Variants in MOV10L1 observed in about 807,000 individuals in gnomAD.
MOV10L1 encodes RNA helicase Mov10l1.
Under a neutral mutation model 143.8 loss-of-function variants are expected in MOV10L1, and 110 were observed. That is an observed-to-expected ratio of 0.76 (90% confidence interval 0.66 to 0.90). MOV10L1 has a LOEUF of 0.90. MOV10L1 is among the 40% of genes least tolerant of loss of function. MOV10L1 has a pLI of 0.00. For missense variants in MOV10L1, 1,406 were observed against 1,526.8 expected (o/e 0.92, Z 1.32); for synonymous variants, 593 against 581.1 (o/e 1.02, Z -0.29).
intron 13 of MOV10L1, 65 bp from the exon 14 acceptor site, chr22:50,133,942 C>A: frequency 7.2e-7 from 1 of 1,383,320 alleles, no homozygotes; most frequent in Non-Finnish European, 1.0e-6. Flanking sequence ...TTTTCATTAC[C>A]TTATGCCAGC....
chr22:50,124,620 C>T (rs1173492757), intron 10 of MOV10L1, among the ~76,000 whole-genome samples: 2 of 152,170 alleles, frequency 1.3e-5, no homozygotes, highest in African/African-American at 4.8e-5. Flanking sequence ...TGTGAGTTTT[C>T]CCCCACCTCA....
chr22:50,131,176 G>A (rs1369804996), intron 13 of MOV10L1, among the ~76,000 whole-genome samples: 4 of 151,880 alleles, frequency 2.6e-5, no homozygotes, highest in African/African-American at 7.3e-5. Context: ...CCAAAGTGCT[G>A]GGATTACAGG....
In MOV10L1 at chr22:50,117,246, A is replaced by T; in HGVS notation, c.1349A>T (p.Glu450Val). The change falls in exon 9 of 27, where the codon GAG (glutamate) becomes GTG (valine). Residue 450 changes from glutamate to valine, a missense_variant. Glu to Val is a moderately radical substitution (Grantham distance 121, BLOSUM62 -2). Transcript: ENST00000262794. ...CTTGAAGTAAATGTTATCAGTGGGG[A>T]GGAGTCACTAATTGCTGCGCGCGAA... is the stretch of plus-strand genomic sequence containing the variant. ...RYLEVNVISG[E>V]ESLIAAREPF... The T allele has an allele frequency of 5.0e-6, 8 of 1,614,052 alleles. No individual in the cohort carries two copies. Among genetic ancestry groups the T allele is most frequent in the Non-Finnish European group, 6.8e-6 (8 of 1,180,016 alleles).
chr22:50,108,430 C>T (rs1330135169), intron 4 of MOV10L1, 182 bp downstream of exon 4: 4 of 760,212 alleles, frequency 5.3e-6, no homozygotes, highest in Non-Finnish European at 6.9e-6. Context: ...ACAATAACTC[C>T]TAGTGCTTGC....
intron 2 of MOV10L1, 61 bp from the exon 3 acceptor site, chr22:50,099,382 T>A: frequency 6.4e-7 from 1 of 1,569,768 alleles, no homozygotes; most frequent in Non-Finnish European, 8.7e-7. Context: ...CATGCCAGCC[T>A]GTAGTTTGCT....
intron 10 of MOV10L1, among the ~76,000 whole-genome samples, chr22:50,123,237 A>G (rs1340869684): frequency 6.7e-6 from 1 of 148,902 alleles, no homozygotes; most frequent in Non-Finnish European, 1.5e-5. Flanking sequence ...CTTTTTCTGT[A>G]TTGAGATGAT....
intron 12 of MOV10L1, among the ~76,000 whole-genome samples, chr22:50,127,034 A>C (rs1366030969): frequency 6.6e-6 from 1 of 152,180 alleles, no homozygotes; most frequent in East Asian, 1.9e-4. Context: ...GAGATTTTGT[A>C]ATGAATTAGG....
At chr22:50,107,314 G>A (rs1016808037) in intron 3 of MOV10L1, among the ~76,000 whole-genome samples, 2 of 151,808 alleles carry the variant, frequency 1.3e-5, no homozygotes, top group Non-Finnish European at 2.9e-5. Flanking sequence ...CACCCGCCTC[G>A]GCCTCCCAAA....
chr22:50,107,532 A>G (rs958237916), intron 3 of MOV10L1, among the ~76,000 whole-genome samples: 2 of 152,144 alleles, frequency 1.3e-5, no homozygotes, highest in Admixed American at 6.5e-5. Flanking sequence ...GCAAAATAAC[A>G]AAAAGATTTT....
intron 8 of MOV10L1, among the ~76,000 whole-genome samples, chr22:50,116,446 CAAAA>C (rs559872532): frequency 1.1e-5 from 1 of 91,116 alleles, no homozygotes; most frequent in African/African-American, 4.4e-5. Flanking sequence ...GACTCCGTCT[CAAAA>C]AAAAAAAAAA....
intron 15 of MOV10L1, 27 bp from the exon 16 acceptor site, chr22:50,142,054 A>G (rs1050278635): frequency 1.4e-5 from 23 of 1,597,196 alleles, no homozygotes; most frequent in Non-Finnish European, 1.8e-5. Flanking sequence ...GTTTTTTTAA[A>G]ACATTTTTCT....
chr22:50,144,632 A>C (rs1047529195), intron 18 of MOV10L1, among the ~76,000 whole-genome samples: 7 of 151,716 alleles, frequency 4.6e-5, no homozygotes, highest in African/African-American at 1.7e-4. Flanking sequence ...CCCAGGCTGA[A>C]GTGCAGTGGC....
intron 24 of MOV10L1, 145 bp from the exon 25 acceptor site, chr22:50,160,543 C>T (rs1230253683): frequency 1.4e-5 from 15 of 1,043,410 alleles, no homozygotes; most frequent in Admixed American, 8.7e-5. Flanking sequence ...TGAGCCACCG[C>T]GCCCGGCCTC....
At chr22:50,114,106 G>A (rs1351299758) in intron 6 of MOV10L1, among the ~76,000 whole-genome samples, 1 of 151,062 alleles carries the variant, frequency 6.6e-6, no homozygotes, top group East Asian at 1.9e-4. Flanking sequence ...TTTTAGTAGA[G>A]ACGGGGTTTC....
chr22:50,115,344 C>A, intron 8 of MOV10L1, 98 bp downstream of exon 8: 2 of 1,324,100 alleles, frequency 1.5e-6, no homozygotes, highest in Non-Finnish European at 2.0e-6. Context: ...GCGGGTGGAT[C>A]ACCTGAGACC....
chr22:50,127,778 T>TTA (rs200556421), intron 12 of MOV10L1, among the ~76,000 whole-genome samples: 1 of 92,410 alleles, frequency 1.1e-5, no homozygotes, highest in African/African-American at 3.4e-5. Context: ...CTGTTTTTTT[T>TTA]GTTTTTTTTT....
At chr22:50,093,441 G>A (rs2062506400) in intron 2 of MOV10L1, 1 of 152,126 alleles carries the variant, frequency 6.6e-6, no homozygotes, top group Non-Finnish European at 1.5e-5. Flanking sequence ...AAGCCTTAGG[G>A]AGGCTTATTC....
Position 50,152,468 on chromosome 22 carries a change from G to A in MOV10L1, c.2893-577G>A, listed in dbSNP as rs968600799. On this transcript the variant is annotated intron_variant, in intron 21 of 26. Coordinates refer to ENST00000262794, the MANE Select transcript of MOV10L1 (RefSeq NM_018995.3). The surrounding 1 kb of genome is among the most constrained non-coding windows in gnomAD (Gnocchi z 4.4). ...AGCACCTGCCCTGAGTGAGCTTCCCGAGCAAGTTGGAGGCAGACAGTAAAG... is the reference window on the plus strand; with the variant it reads ...AGCACCTGCCCTGAGTGAGCTTCCCAAGCAAGTTGGAGGCAGACAGTAAAG... 1.3e-5 allele frequency among the ~76,000 whole-genome samples: 2 copies of A among 152,168 alleles called. No homozygotes were observed. Among genetic ancestry groups the A allele is most frequent in the Non-Finnish European group, 2.9e-5 (2 of 68,012 alleles).
intron 6 of MOV10L1, among the ~76,000 whole-genome samples, chr22:50,114,180 G>A (rs975478769): frequency 4.0e-5 from 6 of 151,760 alleles, no homozygotes; most frequent in Non-Finnish European, 7.4e-5. Context: ...GCCTCCCAAA[G>A]TGCTGGGACT....
Sources: gnomAD v4.1 joint callset for allele counts (sites outside exome capture counted in the v4.1 genomes callset) on GRCh38, gnomAD v4.1.1 for gene constraint, Gnocchi (gnomAD v3.1) non-coding constraint, MANE v1.5 for transcripts, NCBI Gene and HGNC (gene_info 2026-07-23, HGNC 2026-07-21) for gene names.